SCAP: variants seen among roughly 807,000 people sequenced by gnomAD.
SCAP encodes the protein SREBF chaperone.
In SCAP, 65 loss-of-function variants were observed where a neutral mutation model predicts 123.6. The ratio of observed to expected loss-of-function variants is 0.53; its 90% CI spans 0.43 to 0.65. The LOEUF is 0.65. Among genes scored for constraint, SCAP ranks in the 30% least tolerant of loss-of-function variants. SCAP has a pLI of 0.00. For synonymous variants in SCAP, 740 were observed against 726.3 expected (o/e 1.02, Z -0.30); for missense variants, 1,398 against 1,712.5 (o/e 0.82, Z 3.24).
intron 4 of SCAP, 49 bp from the exon 5 acceptor site, chr3:47,427,716 C>A (rs1293118883): frequency 1.3e-6 from 2 of 1,522,470 alleles, no homozygotes; most frequent in South Asian, 2.3e-5. Context: ...CACCACAGGG[C>A]AGACCTGCTG....
chr3:47,457,127 A>G (rs1419374824), intron 1 of SCAP, among the ~76,000 whole-genome samples: 1 of 152,224 alleles, frequency 6.6e-6, no homozygotes, highest in African/African-American at 2.4e-5. Context: ...GTCTCTGCTT[A>G]TTTGTCTATA....
At position 47,414,654 on chromosome 3, in the gene SCAP, T is replaced by A. The variant is rs1485520010; in HGVS notation, c.3307-2A>T. ...GCACGAGTCCTCCAGACGGAACACC[T>A]GGGACAGGGATGGGCCTCAGGTTCT... On this transcript the variant is annotated splice_acceptor_variant, in intron 20 of 22. Transcript: ENST00000265565. LOFTEE classifies it high-confidence loss of function. 1 of 1,613,142 alleles carries A rather than the reference T, an allele frequency of 6.2e-7. No homozygotes were observed. Among genetic ancestry groups the A allele is most frequent in the African/African-American group, 1.3e-5 (1 of 74,938 alleles).
chr3:47,417,670 C>A lies in SCAP; in HGVS notation c.2604G>T (p.Gly868=). ...PRGPPPPSLF[G]DQPDLTCLID... is the part of the protein sequence containing the mutation. ...TTAAGCAGGTGAGGTCAGGCTGGTC[C>A]CCGAAGAGGGAAGGCGGCGGAGGGC... The change falls in exon 17 of 23, where the codon GGG becomes GGT. Residue 868 remains glycine, a synonymous_variant. Transcript: ENST00000265565. 6.2e-7 allele frequency: 1 copy of A among 1,609,034 alleles called. No individual in the cohort carries two copies. The highest frequency in any genetic ancestry group is 2.2e-5 in the East Asian group (1 of 44,598).
chr3:47,470,165 C>G (rs559623764), intron 1 of SCAP, among the ~76,000 whole-genome samples: 2 of 152,310 alleles, frequency 1.3e-5, no homozygotes, highest in African/African-American at 4.8e-5. Flanking sequence ...GGATCAAGAG[C>G]TAGCCTTAAG....
chr3:47,455,446 T>C (rs186570746), intron 1 of SCAP, among the ~76,000 whole-genome samples: 1 of 151,208 alleles, frequency 6.6e-6, no homozygotes, highest in Non-Finnish European at 1.5e-5. Flanking sequence ...AATACAAAAA[T>C]TAGCTGGGCA....
rs1705425005 is a variant in SCAP at position 47,413,843 on chromosome 3, A to AG, written c.*10dup. On this transcript the variant is annotated 3_prime_UTR_variant, in exon 23 of 23. Coordinates refer to ENST00000265565, the MANE Select transcript of SCAP (RefSeq NM_012235.4). ...ACCCCAGCCTCCTGCCTGGGCAAGGAGGCCCTGCGCTCAGTCCAGCTTCTC... is the reference window on the plus strand; with the variant it reads ...ACCCCAGCCTCCTGCCTGGGCAAGGAGGGCCCTGCGCTCAGTCCAGCTTCTC... 1 of 1,607,476 alleles carries AG rather than the reference A, an allele frequency of 6.2e-7. No homozygotes were observed. Among genetic ancestry groups the AG allele is most frequent in the African/African-American group, 1.3e-5 (1 of 74,836 alleles).
At position 47,435,065 on chromosome 3, in the gene SCAP, C is replaced by T. The variant is rs778834368; in HGVS notation, c.195G>A (p.Ser65=). 42 of 1,613,934 alleles carry T rather than the reference C, an allele frequency of 2.6e-5. No homozygotes were observed. The highest frequency in any genetic ancestry group is 3.3e-5 in the Non-Finnish European group (39 of 1,180,006). The part of the protein sequence containing the change: ...VEFTTPVKDY[S]PPPVDSDRKQ... ...TGCGGTCAGAGTCCACAGGTGGGGGCGAGTAATCCTTCACAGGGGTGGTGA... is the reference window on the plus strand; with the variant it reads ...TGCGGTCAGAGTCCACAGGTGGGGGTGAGTAATCCTTCACAGGGGTGGTGA... Residue 65 remains serine, a synonymous_variant, in exon 3 of 23, where the codon TCG becomes TCA. Transcript: ENST00000265565.
chr3:47,426,627 C>CG (rs1359864258), intron 6 of SCAP, among the ~76,000 whole-genome samples: 2 of 151,982 alleles, frequency 1.3e-5, no homozygotes, highest in Non-Finnish European at 2.9e-5. Flanking sequence ...TTAGTAGAGA[C>CG]GGGGTTTCAC....
At position 47,419,528 on chromosome 3, in the gene SCAP, G is replaced by GA; in HGVS notation, c.1739dup (p.Pro582ThrfsTer2). On this transcript the variant is annotated frameshift_variant, in exon 13 of 23. Transcript: ENST00000265565. LOFTEE classifies it high-confidence loss of function. This position sits in a 1 kb window ranked among gnomAD's most constrained non-coding sequence, Gnocchi z 5.0. ...CAGGTAGCTTAGGGGCATCAGGTGGGAAGATGGAGAAGGCAGGGTCCGGGT... is the reference window on the plus strand; with the variant it reads ...CAGGTAGCTTAGGGGCATCAGGTGGGAAAGATGGAGAAGGCAGGGTCCGGGT... The GA allele has an allele frequency of 6.2e-7, 1 of 1,613,958 alleles. No homozygotes were observed. The highest frequency in any genetic ancestry group is 8.5e-7 in the Non-Finnish European group (1 of 1,179,974).
chr3:47,437,422 CAAAAAAAAAAAAA>C (rs35011639), intron 2 of SCAP, among the ~76,000 whole-genome samples: 2 of 63,196 alleles, frequency 3.2e-5, no homozygotes, highest in Non-Finnish European at 5.5e-5. Flanking sequence ...AACTCAATCT[CAAAAAAAAAAAAA>C]AAAAAAAAAA....
chr3:47,424,482 C>G (rs1706035899), intron 8 of SCAP, among the ~76,000 whole-genome samples: 4 of 152,264 alleles, frequency 2.6e-5, no homozygotes, highest in Admixed American at 2.6e-4. Flanking sequence ...TGAAGGCCCA[C>G]TCACCTTTGT....
intron 1 of SCAP, among the ~76,000 whole-genome samples, chr3:47,458,039 G>A (rs2107982224): frequency 6.6e-6 from 1 of 152,308 alleles, no homozygotes; most frequent in East Asian, 1.9e-4. Context: ...TGTAATCCCA[G>A]AACTTTGGGA....
intron 18 of SCAP, among the ~76,000 whole-genome samples, chr3:47,416,426 C>T (rs971752649): frequency 6.6e-6 from 1 of 152,168 alleles, no homozygotes; most frequent in African/African-American, 2.4e-5. Flanking sequence ...GTTCTGCAAG[C>T]GCACTCTGTA....
chr3:47,459,205 C>T (rs990631527), intron 1 of SCAP, among the ~76,000 whole-genome samples: 2 of 152,228 alleles, frequency 1.3e-5, no homozygotes. Flanking sequence ...CCTCAGCCTC[C>T]ACTCCAGCAG....
chr3:47,461,290 TA>T (rs1338801202), intron 1 of SCAP, among the ~76,000 whole-genome samples: 3 of 152,192 alleles, frequency 2.0e-5, no homozygotes, highest in Non-Finnish European at 4.4e-5. Flanking sequence ...GGTCAAAGTC[TA>T]AAAAACAAAG....
At chr3:47,465,641 T>C (rs967918088) in intron 1 of SCAP, among the ~76,000 whole-genome samples, 5 of 151,988 alleles carry the variant, frequency 3.3e-5, no homozygotes, top group Non-Finnish European at 7.4e-5. Flanking sequence ...CAGTAGTACA[T>C]TCCTGTAGTC....
intron 1 of SCAP, among the ~76,000 whole-genome samples, chr3:47,473,080 C>CAAAA (rs34472664): frequency 0.71 from 26,893 of 38,066 alleles, 10,854 homozygotes; most frequent in South Asian, 0.82. Context: ...AACTCCATCT[C>CAAAA]AAAAAAAAAA....
intron 14 of SCAP, 59 bp downstream of exon 14, chr3:47,418,596 T>C: frequency 1.3e-6 from 2 of 1,531,964 alleles, no homozygotes; most frequent in African/African-American, 1.4e-5. Context: ...TCCCCTACTC[T>C]TGCCTACCCG....
intron 2 of SCAP, 38 bp from the exon 3 acceptor site, chr3:47,435,175 T>A (rs778389126): frequency 6.3e-7 from 1 of 1,583,786 alleles, no homozygotes; most frequent in East Asian, 2.3e-5. Flanking sequence ...TTAGACACTA[T>A]GAGAGGCAGT....
Sources: gnomAD v4.1 joint callset for allele counts (sites outside exome capture counted in the v4.1 genomes callset) on GRCh38, gnomAD v4.1.1 for gene constraint, Gnocchi (gnomAD v3.1) non-coding constraint, MANE v1.5 for transcripts, NCBI Gene and HGNC (gene_info 2026-07-23, HGNC 2026-07-21) for gene names.